EML5: variants seen among roughly 807,000 people sequenced by gnomAD.
EML5 encodes echinoderm microtubule-associated protein-like 5.
A neutral mutation model predicts 250.0 loss-of-function variants in EML5; 120 were observed. The ratio of observed to expected loss-of-function variants is 0.48; its 90% CI spans 0.41 to 0.56. EML5 has a LOEUF of 0.56. Among genes scored for constraint, EML5 ranks in the 20% least tolerant of loss-of-function variants. The probability of loss-of-function intolerance (pLI) is 0.00; values close to 1 mark genes in which losing one functional copy is unlikely to be tolerated. For synonymous variants in EML5, 771 were observed against 806.5 expected, an observed-to-expected ratio of 0.96 and a Z score of 0.75; for missense variants, 2,006 against 2,437.6, an observed-to-expected ratio of 0.82 and a Z score of 3.73.
At position 88,612,699 on chromosome 14, in the gene EML5, CAG is replaced by C. The variant is rs1486897719; in HGVS notation, c.*3117_*3118del. 2.0e-5 allele frequency: 3 copies of C among 152,542 alleles called. No individual in the cohort carries two copies. Among genetic ancestry groups the C allele is most frequent in the East Asian group, 3.9e-4 (2 of 5,180 alleles). 9.4% of individuals were successfully genotyped at this position (152,542 alleles called of 1,614,324 possible). ...GATTTAAATAGTATATTTTAAATGA[CAG>C]AACTATAATTACAGAGATCAGATCA... is the stretch of plus-strand genomic sequence containing the variant. On this transcript the variant is annotated 3_prime_UTR_variant, in exon 44 of 44. Coordinates refer to ENST00000554922, the MANE Select transcript of EML5 (RefSeq NM_183387.3).
At position 88,696,015 on chromosome 14, in the gene EML5, G is replaced by A. The variant is rs17124821; in HGVS notation, c.2345-561C>T. On this transcript the variant is annotated intron_variant, in intron 15 of 43. Coordinates refer to ENST00000554922, the MANE Select transcript of EML5 (RefSeq NM_183387.3). Reference sequence around the variant, plus strand: ...CTATGGGTGTGCATGTTTACAGGCTGTAAAGGCTCAGACCACAAGAAAATA... The same window carrying A: ...CTATGGGTGTGCATGTTTACAGGCTATAAAGGCTCAGACCACAAGAAAATA... 8.0e-3 allele frequency among the ~76,000 whole-genome samples: 1,215 copies of A among 152,148 alleles called. 14 individuals are homozygous for A. The highest frequency in any genetic ancestry group is 0.028 in the African/African-American group (1,151 of 41,520).
chr14:88,634,883 GTTCT>G (rs1401778323), intron 32 of EML5, among the ~76,000 whole-genome samples: 3 of 152,166 alleles, frequency 2.0e-5, no homozygotes, highest in Non-Finnish European at 4.4e-5. Flanking sequence ...AAGGAAACAA[GTTCT>G]TTCTTTCAAC....
At chr14:88,698,835 T>G (rs192197928) in intron 14 of EML5, among the ~76,000 whole-genome samples, 1 of 152,312 alleles carries the variant, frequency 6.6e-6, no homozygotes, top group East Asian at 1.9e-4. Flanking sequence ...TAACACTCAC[T>G]GAGAAGTAAT....
chr14:88,749,515 T>C (rs887856819), intron 2 of EML5, among the ~76,000 whole-genome samples: 14 of 152,148 alleles, frequency 9.2e-5, no homozygotes, highest in Non-Finnish European at 1.6e-4. Context: ...TGGTTAAATA[T>C]GTAAGATTTT....
At chr14:88,734,238 C>T (rs1203427711) in intron 7 of EML5, among the ~76,000 whole-genome samples, 1 of 151,976 alleles carries the variant, frequency 6.6e-6, no homozygotes, top group East Asian at 1.9e-4. Flanking sequence ...CACCTTTCTG[C>T]CTTTATTATA....
Position 88,688,486 on chromosome 14 carries a change from AAAT to A in EML5, c.2540-16_2540-14del, listed in dbSNP as rs1240109487. Reference sequence around the variant, plus strand: ...ATCAATCCTCCCCCTAGTTCACAAAAAATATTATGAAAGTACCACTTTCAAAAT... The same window carrying A: ...ATCAATCCTCCCCCTAGTTCACAAAAATTATGAAAGTACCACTTTCAAAAT... On this transcript the variant is annotated splice_polypyrimidine_tract_variant and intron_variant, in intron 17 of 43. Transcript: ENST00000554922. The A allele has an allele frequency of 6.2e-6, 10 of 1,611,630 alleles. No individual in the cohort carries two copies. Among genetic ancestry groups the A allele is most frequent in the Admixed American group, 1.7e-5 (1 of 59,846 alleles).
intron 8 of EML5, among the ~76,000 whole-genome samples, chr14:88,715,598 A>T (rs1439074606): frequency 2.0e-5 from 3 of 152,152 alleles, no homozygotes; most frequent in Non-Finnish European, 4.4e-5. Flanking sequence ...AAGGAGCTAA[A>T]TGTGCAAAAT....
Position 88,721,596 on chromosome 14 carries a change from C to T in EML5, c.1187+4945G>A, listed in dbSNP as rs540714592. Among the ~76,000 whole-genome samples the T allele has an allele frequency of 1.5e-3, 222 of 152,274 alleles. 2 individuals carry two copies. Among genetic ancestry groups the T allele is most frequent in the Non-Finnish European group, 2.4e-3 (164 of 68,018 alleles). ...AAACTGAAACTGGACCCCTTCCTTA[C>T]ACCTTATACAAAAATTAACTCAAGA... On this transcript the variant is annotated intron_variant, in intron 8 of 43. Transcript: ENST00000554922.
chr14:88,725,309 ATATAT>A (rs942395443), intron 8 of EML5, among the ~76,000 whole-genome samples: 1 of 152,200 alleles, frequency 6.6e-6, no homozygotes, highest in African/African-American at 2.4e-5. Context: ...TGTGAAGTTT[ATATAT>A]TATATATTTT....
intron 36 of EML5, chr14:88,623,017 CTTTTTT>C (rs33958046): frequency 6.7e-6 from 1 of 150,330 alleles, no homozygotes; most frequent in African/African-American, 2.6e-5. Context: ...TCTCATAATA[CTTTTTT>C]TTTTTTTTTT....
rs2088704826 is a variant in EML5, at chr14:88,620,538, CTAG to C, written c.5375+213_5375+215del. ...ACATGAATTCATCAAACATTACCTA[CTAG>C]TACTTGCTATTATAGTTGGTGCCCA... On this transcript the variant is annotated intron_variant, in intron 39 of 43. Coordinates refer to ENST00000554922, the MANE Select transcript of EML5 (RefSeq NM_183387.3). This position sits in a 1 kb window ranked among gnomAD's most constrained non-coding sequence, Gnocchi z 4.3. 2.5e-6 allele frequency: 1 copy of C among 406,398 alleles called. No individual in the cohort carries two copies. Among genetic ancestry groups the C allele is most frequent in the Admixed American group, 4.3e-5 (1 of 23,334 alleles). The allele number at this position is 406,398 out of a possible 1,614,324, so 25.2% of individuals were successfully genotyped here. A position where few individuals can be genotyped will look rare whatever the true frequency, so the allele number is the denominator to read the frequency against.
At chr14:88,790,372 T>C (rs1031876496) in intron 1 of EML5, among the ~76,000 whole-genome samples, 2 of 152,246 alleles carry the variant, frequency 1.3e-5, no homozygotes, top group Non-Finnish European at 2.9e-5. Flanking sequence ...TGTTGTTTTG[T>C]ATAAGTTGTG....
chr14:88,677,729 A>G (rs1265554556), intron 21 of EML5, among the ~76,000 whole-genome samples: 1 of 152,222 alleles, frequency 6.6e-6, no homozygotes, highest in Non-Finnish European at 1.5e-5. Context: ...AGAAATGCAA[A>G]TCAAAACCAC....
In EML5 at chr14:88,615,673, G is replaced by C. The variant is rs935471289; in HGVS notation, c.*145C>G. ...TATAGCAAATATTTTGAACAGATCA[G>C]TCTTTCACTATTTTGATGATTCTGG... On this transcript the variant is annotated 3_prime_UTR_variant, in exon 44 of 44. Transcript: ENST00000554922. The C allele has an allele frequency of 5.7e-6, 4 of 707,888 alleles. No individual in the cohort carries two copies. The African/African-American group carries it at 7.2e-5, about 13-fold the overall frequency. The allele number at this position is 707,888 out of a possible 1,614,324, so 43.9% of individuals were successfully genotyped here.
chr14:88,783,930 A>C (rs1161725239), intron 1 of EML5, among the ~76,000 whole-genome samples: 1 of 152,264 alleles, frequency 6.6e-6, no homozygotes, highest in African/African-American at 2.4e-5. Flanking sequence ...AAGTCTTAAA[A>C]TGTTGAAAAA....
chr14:88,706,913 C>T (rs536559932), intron 10 of EML5, among the ~76,000 whole-genome samples: 18 of 152,224 alleles, frequency 1.2e-4, no homozygotes, highest in African/African-American at 4.1e-4. Context: ...AAGTTTGGTT[C>T]GACATTAAAA....
At chr14:88,770,913 TCTTC>T (rs541114550) in intron 1 of EML5, among the ~76,000 whole-genome samples, 1 of 152,214 alleles carries the variant, frequency 6.6e-6, no homozygotes, top group Non-Finnish European at 1.5e-5. Flanking sequence ...TTAAAGTTCT[TCTTC>T]CTATTAATAT....
At chr14:88,678,840 G>A (rs1387636721) in intron 21 of EML5, among the ~76,000 whole-genome samples, 5 of 152,084 alleles carry the variant, frequency 3.3e-5, no homozygotes, top group African/African-American at 4.8e-5. Flanking sequence ...TGGTTTCCTA[G>A]AGGCTGTAAC....
At chr14:88,663,890 CACA>C (rs1276144960) in intron 23 of EML5, among the ~76,000 whole-genome samples, 2 of 152,108 alleles carry the variant, frequency 1.3e-5, no homozygotes, top group East Asian at 1.9e-4. Context: ...AAGACATCTT[CACA>C]ACAATTTTTT....
Sources: allele counts gnomAD v4.1 joint callset (sites outside exome capture counted in the v4.1 genomes callset), GRCh38; gene constraint gnomAD v4.1.1; non-coding constraint Gnocchi (gnomAD v3.1); transcripts MANE v1.5; gene names NCBI Gene and HGNC (gene_info 2026-07-23, HGNC 2026-07-21).